Variants in TMEM41B observed in about 807,000 individuals in gnomAD.
TMEM41B encodes transmembrane protein 41B, also known as protein stasimon.
Under a neutral mutation model 31.9 loss-of-function variants are expected in TMEM41B, and 18 were observed. The ratio of observed to expected loss-of-function variants is 0.56; its 90% CI spans 0.39 to 0.84. The LOEUF is 0.84. Ranked by LOEUF, TMEM41B falls within the 40% of genes least tolerant of loss-of-function variation. The pLI is 0.00. For synonymous variants in TMEM41B, 144 were observed against 124.3 expected (o/e 1.16, Z -1.05); for missense variants, 322 against 348.0 (o/e 0.93, Z 0.59).
intron 1 of TMEM41B, among the ~76,000 whole-genome samples, chr11:9,304,169 T>G (rs1267723947): frequency 1.3e-5 from 2 of 152,232 alleles, no homozygotes; most frequent in Admixed American, 6.6e-5. Context: ...CGTATTGATA[T>G]GTATGCTTTT....
chr11:9,299,343 C>CACACGT (rs1441392303), intron 2 of TMEM41B, among the ~76,000 whole-genome samples: 1 of 143,960 alleles, frequency 6.9e-6, no homozygotes, highest in Non-Finnish European at 1.5e-5. Flanking sequence ...CACACACACA[C>CACACGT]ACGTGTGTGT....
intron 1 of TMEM41B, among the ~76,000 whole-genome samples, chr11:9,307,538 G>T (rs1853430567): frequency 6.6e-6 from 1 of 151,982 alleles, no homozygotes; most frequent in Non-Finnish European, 1.5e-5. Context: ...CGTCTCCCAG[G>T]TTCAAGCAAT....
At position 9,314,568 on chromosome 11, in the gene TMEM41B, G is replaced by T; in HGVS notation, c.-127C>A. On this transcript the variant is annotated 5_prime_UTR_variant, in exon 1 of 7. Coordinates refer to ENST00000528080, the MANE Select transcript of TMEM41B (RefSeq NM_015012.4). The stretch of plus-strand genomic sequence containing the variant: ...CTTCCGGCGCGACCTCCTCACCCGA[G>T]ACGACCTCAGCCCAGCGAGTACTGC... 1 of 1,341,844 alleles carries T rather than the reference G, an allele frequency of 7.5e-7. No homozygotes were observed. The highest frequency in any genetic ancestry group is 9.9e-7 in the Non-Finnish European group (1 of 1,010,380). The allele number at this position is 1,341,844 out of a possible 1,614,324, so 83.1% of individuals were successfully genotyped here.
chr11:9,285,571 G>A (rs1249721655), intron 6 of TMEM41B, among the ~76,000 whole-genome samples: 1 of 152,016 alleles, frequency 6.6e-6, no homozygotes, highest in Non-Finnish European at 1.5e-5. Context: ...AGAATCATGA[G>A]AATTCACAAA....
At chr11:9,308,399 T>C (rs1853452966) in intron 1 of TMEM41B, among the ~76,000 whole-genome samples, 1 of 152,142 alleles carries the variant, frequency 6.6e-6, no homozygotes, top group South Asian at 2.1e-4. Context: ...ACTTGCTAAA[T>C]AAAATATTCC....
chr11:9,291,337 G>A (rs915919588), intron 3 of TMEM41B, among the ~76,000 whole-genome samples: 3 of 151,846 alleles, frequency 2.0e-5, no homozygotes, highest in African/African-American at 4.8e-5. Context: ...GGCCGAGATC[G>A]CGTCGCTACA....
At position 9,298,475 on chromosome 11, in the gene TMEM41B, A is replaced by G. The variant is rs74344102; in HGVS notation, c.239+1109T>C. 2.0e-5 allele frequency among the ~76,000 whole-genome samples: 3 copies of G among 148,500 alleles called. No individual in the cohort carries two copies. In the East Asian group the frequency reaches 5.9e-4, roughly 29 times the overall value. On this transcript the variant is annotated intron_variant, in intron 2 of 6. Transcript: ENST00000528080. ...ACTCAGTCTCAAAAAAAAAAAAAAAAAATTGTGGGCTGGGCACAGTGGCTC... is the reference window on the plus strand; with the variant it reads ...ACTCAGTCTCAAAAAAAAAAAAAAAGAATTGTGGGCTGGGCACAGTGGCTC...
chr11:9,299,657 T>C lies in TMEM41B; in HGVS notation c.166A>G (p.Ile56Val), dbSNP rs200352643. Residue 56 changes from isoleucine to valine, a missense_variant, in exon 2 of 7, where the codon ATA (isoleucine) becomes GTA (valine). This residue lies in a region of TMEM41B where 183 missense variants were observed against 175.3 expected (regional missense o/e 1.04). Coordinates refer to ENST00000528080, the MANE Select transcript of TMEM41B (RefSeq NM_015012.4). The stretch of plus-strand genomic sequence containing the variant: ...GCAGATAAGAAAATGGACACCAATA[T>C]AAGGAGTGACATTCTTGCTGATCCA... Reference protein sequence around the residue: ...EAGSARMSLLILVSIFLSAAF... With the variant: ...EAGSARMSLLVLVSIFLSAAF... 29 of 1,613,286 alleles carry C rather than the reference T, an allele frequency of 1.8e-5. No homozygotes were observed. The highest frequency in any genetic ancestry group is 1.6e-4 in the Middle Eastern group (1 of 6,062).
chr11:9,284,940 T>G (rs1482635515), intron 6 of TMEM41B, among the ~76,000 whole-genome samples: 1 of 152,076 alleles, frequency 6.6e-6, no homozygotes, highest in East Asian at 1.9e-4. Flanking sequence ...ATTAACTAAA[T>G]CTCTGGCTTT....
rs747246444 is a variant in TMEM41B at position 9,288,587 on chromosome 11, G to C, written c.369-52C>G. The C allele has an allele frequency of 1.6e-5, 21 of 1,285,404 alleles. No individual in the cohort carries two copies. In the East Asian group the frequency reaches 5.2e-4, roughly 32 times the overall value. The allele number at this position is 1,285,404 out of a possible 1,614,324, so 79.6% of individuals were successfully genotyped here. ...AATATAATTAAGTAGAATTTTAAAA[G>C]ACAAATGTAACATTTCAGGAAAAAA... On this transcript the variant is annotated intron_variant, in intron 3 of 6. Transcript: ENST00000528080.
In TMEM41B at chr11:9,282,407, A is replaced by G. The variant is rs899358212; in HGVS notation, c.*1017T>C. ...AAAAAAAAAAAATTATCAATACCAAATATGATACAGTTATGTAATACCCAT... is the reference window on the plus strand; with the variant it reads ...AAAAAAAAAAAATTATCAATACCAAGTATGATACAGTTATGTAATACCCAT... On this transcript the variant is annotated 3_prime_UTR_variant, in exon 7 of 7. Coordinates refer to ENST00000528080, the MANE Select transcript of TMEM41B (RefSeq NM_015012.4). The G allele has an allele frequency of 2.0e-5, 3 of 152,056 alleles. No individual in the cohort carries two copies. The highest frequency in any genetic ancestry group is 4.4e-5 in the Non-Finnish European group (3 of 68,010). The allele number at this position is 152,056 out of a possible 1,614,324, so 9.4% of individuals were successfully genotyped here.
At chr11:9,287,874 G>A (rs1852871398) in intron 4 of TMEM41B, 68 bp from the exon 5 acceptor site, 1 of 1,135,352 alleles carries the variant, frequency 8.8e-7, no homozygotes, top group South Asian at 1.3e-5. Flanking sequence ...TTATTCACCT[G>A]AGTAAAAAGC....
intron 1 of TMEM41B, among the ~76,000 whole-genome samples, chr11:9,303,080 G>A (rs12287829): frequency 6.0e-5 from 2 of 33,550 alleles, no homozygotes; most frequent in Non-Finnish European, 1.3e-4. Flanking sequence ...GCAGTGGCAC[G>A]ATCTCGGCTC....
intron 1 of TMEM41B, among the ~76,000 whole-genome samples, chr11:9,306,554 C>T (rs375774580): frequency 2.6e-5 from 4 of 151,972 alleles, no homozygotes; most frequent in Admixed American, 2.6e-4. Flanking sequence ...GGCACAGTGG[C>T]GGGCGCCTGT....
intron 3 of TMEM41B, among the ~76,000 whole-genome samples, chr11:9,290,549 TAATA>T (rs1852933084): frequency 1.8e-5 from 2 of 112,622 alleles, no homozygotes; most frequent in East Asian, 2.8e-4. Context: ...TAAAGTATAA[TAATA>T]AAAAAAAAAA....
intron 1 of TMEM41B, among the ~76,000 whole-genome samples, chr11:9,305,201 A>AAT (rs34978300): frequency 0.15 from 22,132 of 151,588 alleles, 2,268 homozygotes; most frequent in African/African-American, 0.28. Flanking sequence ...GAATGAGGGT[A>AAT]ATATATATAT....
At chr11:9,311,450 T>A (rs1295492619) in intron 1 of TMEM41B, 5 of 1,406,598 alleles carry the variant, frequency 3.6e-6, no homozygotes, top group Non-Finnish European at 5.0e-6. Flanking sequence ...ACGGTGGGTA[T>A]GGAGGAGGGT....
At chr11:9,285,533 T>C (rs1017021063) in intron 6 of TMEM41B, among the ~76,000 whole-genome samples, 11 of 152,092 alleles carry the variant, frequency 7.2e-5, no homozygotes, top group African/African-American at 1.9e-4. Flanking sequence ...CAACTCGAAC[T>C]GGAAAGAAGA....
chr11:9,283,683 C>T, intron 6 of TMEM41B, 90 bp from the exon 7 acceptor site: 1 of 1,126,440 alleles, frequency 8.9e-7, no homozygotes, highest in Non-Finnish European at 1.2e-6. Flanking sequence ...TTTCTTAAAA[C>T]AACACAGCTA....
Sources: allele counts gnomAD v4.1 joint callset (sites outside exome capture counted in the v4.1 genomes callset), GRCh38; gene constraint gnomAD v4.1.1; regional missense constraint gnomAD v4.1.1; transcripts MANE v1.5; gene names NCBI Gene and HGNC (gene_info 2026-07-23, HGNC 2026-07-21).